The following NTRK2 variants were observed in gnomAD, a reference collection of about 807,000 sequenced individuals.
The protein encoded by NTRK2 is BDNF/NT-3 growth factors receptor.
NTRK2 carries 13 observed loss-of-function variants against 94.5 expected under a neutral mutation model. The ratio of observed to expected loss-of-function variants is 0.14; its 90% CI spans 0.09 to 0.22. The LOEUF is 0.22. NTRK2 is among the 10% of genes least tolerant of loss of function. NTRK2 has a pLI of 1.00. For synonymous variants in NTRK2, 372 were observed against 407.4 expected (o/e 0.91, Z 1.05); for missense variants, 639 against 1,071.2 (o/e 0.60, Z 5.63).
intron 12 of NTRK2, among the ~76,000 whole-genome samples, chr9:84,819,559 A>G (rs1165258373): frequency 6.6e-6 from 1 of 152,214 alleles, no homozygotes; most frequent in Admixed American, 6.5e-5. Flanking sequence ...GTTGAATTGA[A>G]TGCCACGTCT....
chr9:84,811,904 T>TC, intron 12 of NTRK2: 1 of 1,053,854 alleles, frequency 9.5e-7, no homozygotes, highest in Non-Finnish European at 1.1e-6. Context: ...GGTTTGGCTA[T>TC]CCCCACCCCA....
intron 12 of NTRK2, among the ~76,000 whole-genome samples, chr9:84,829,735 A>G (rs1263889162): frequency 6.6e-6 from 1 of 152,120 alleles, no homozygotes; most frequent in Non-Finnish European, 1.5e-5. Flanking sequence ...GCCTTCTGGG[A>G]TTGTTCAGGG....
At position 84,702,213 on chromosome 9, in the gene NTRK2, T is replaced by C; in HGVS notation, c.267T>C (p.Ala89=). Residue 89 remains alanine (A), a synonymous_variant, in exon 3 of 19, where the codon GCT becomes GCC. Transcript: ENST00000277120. ...TCATCAACGAAGATGATGTTGAAGC[T>C]TATGTGGGACTGAGAAATCTGTGAG... The part of the protein sequence containing the change: ...LEIINEDDVE[A]YVGLRNLTIV... 6.2e-7 allele frequency: 1 copy of C among 1,614,194 alleles called. No individual in the cohort carries two copies. The highest frequency in any genetic ancestry group is 1.1e-5 in the South Asian group (1 of 91,086).
intron 11 of NTRK2, among the ~76,000 whole-genome samples, 184 bp downstream of exon 11, chr9:84,745,257 C>T (rs1031833246): frequency 6.6e-6 from 1 of 152,138 alleles, no homozygotes; most frequent in Non-Finnish European, 1.5e-5. Flanking sequence ...TGGCCTTTGA[C>T]TTATTTGCTG....
At chr9:84,996,890 G>A (rs1829813788) in intron 17 of NTRK2, among the ~76,000 whole-genome samples, 1 of 152,204 alleles carries the variant, frequency 6.6e-6, no homozygotes, top group South Asian at 2.1e-4. Flanking sequence ...ATTTTCTAGT[G>A]CCTCCAATAA....
intron 14 of NTRK2, among the ~76,000 whole-genome samples, chr9:84,924,172 A>C (rs528050988): frequency 6.7e-6 from 1 of 150,174 alleles, no homozygotes; most frequent in East Asian, 2.0e-4. Context: ...TGATCATGCC[A>C]CTGCACTGCA....
At chr9:84,956,926 A>G (rs556613581) in intron 17 of NTRK2, among the ~76,000 whole-genome samples, 1 of 152,126 alleles carries the variant, frequency 6.6e-6, no homozygotes, top group African/African-American at 2.4e-5. Flanking sequence ...GACCACATGG[A>G]AAAAGATTCT....
intron 17 of NTRK2, among the ~76,000 whole-genome samples, chr9:85,013,316 T>C (rs1831841740): frequency 6.6e-6 from 1 of 152,184 alleles, no homozygotes; most frequent in Admixed American, 6.5e-5. Flanking sequence ...TGTTTCTTTT[T>C]TTCTGAGATG....
intron 12 of NTRK2, among the ~76,000 whole-genome samples, chr9:84,832,391 C>T (rs2073606606): frequency 6.6e-6 from 1 of 152,132 alleles, no homozygotes; most frequent in Admixed American, 6.5e-5. Flanking sequence ...TATTAAAGAA[C>T]CAAGTGCTAC....
chr9:84,678,630 T>A (rs2059205061), intron 2 of NTRK2, among the ~76,000 whole-genome samples: 1 of 152,008 alleles, frequency 6.6e-6, no homozygotes, highest in Non-Finnish European at 1.5e-5. Flanking sequence ...TGTGTAGGGG[T>A]GGAGGGTGCT....
intron 17 of NTRK2, among the ~76,000 whole-genome samples, chr9:84,998,750 T>A (rs1830036369): frequency 6.6e-6 from 1 of 152,214 alleles, no homozygotes; most frequent in Non-Finnish European, 1.5e-5. Flanking sequence ...AACATTATTA[T>A]GTCTTATAAT....
At chr9:85,011,267 A>G in intron 17 of NTRK2, among the ~76,000 whole-genome samples, 1 of 152,114 alleles carries the variant, frequency 6.6e-6, no homozygotes, top group East Asian at 1.9e-4. Flanking sequence ...ACAGATTTGG[A>G]TTCTGGACCA....
intron 17 of NTRK2, among the ~76,000 whole-genome samples, chr9:84,966,619 G>T (rs1344588773): frequency 6.6e-6 from 1 of 152,128 alleles, no homozygotes; most frequent in Non-Finnish European, 1.5e-5. Flanking sequence ...TTTTAGTAGA[G>T]ACGGGGTTTC....
chr9:84,789,396 C>T (rs1471367891), intron 12 of NTRK2, among the ~76,000 whole-genome samples: 1 of 152,162 alleles, frequency 6.6e-6, no homozygotes, highest in Non-Finnish European at 1.5e-5. Context: ...AGAGCCTTTG[C>T]CTTCAAGAGT....
intron 17 of NTRK2, among the ~76,000 whole-genome samples, chr9:84,965,942 A>G (rs1825506274): frequency 6.6e-6 from 1 of 152,194 alleles, no homozygotes; most frequent in Non-Finnish European, 1.5e-5. Context: ...TGTTACATCA[A>G]CGTAGCATAA....
intron 12 of NTRK2, among the ~76,000 whole-genome samples, chr9:84,850,769 C>A (rs972116761): frequency 1.4e-4 from 22 of 152,146 alleles, no homozygotes; most frequent in African/African-American, 5.1e-4. Flanking sequence ...TGTTCTGAGG[C>A]AGAAACGCCC....
intron 12 of NTRK2, among the ~76,000 whole-genome samples, chr9:84,850,394 G>C (rs1036107862): frequency 1.3e-5 from 2 of 152,156 alleles, no homozygotes; most frequent in African/African-American, 4.8e-5. Context: ...AGGAAAATTT[G>C]AGGCATCTTT....
intron 14 of NTRK2, among the ~76,000 whole-genome samples, chr9:84,906,704 T>G (rs1481614316): frequency 6.6e-6 from 1 of 152,160 alleles, no homozygotes; most frequent in Non-Finnish European, 1.5e-5. Flanking sequence ...TGGTAATGAT[T>G]CCAGTCCCAT....
chr9:84,812,194 A>G (rs1419309111), intron 12 of NTRK2: 5 of 1,057,568 alleles, frequency 4.7e-6, no homozygotes. Context: ...ATAAACCAGG[A>G]TCCATTTAGG....
Sources: gnomAD v4.1 joint callset for allele counts (sites outside exome capture counted in the v4.1 genomes callset) on GRCh38, gnomAD v4.1.1 for gene constraint, MANE v1.5 for transcripts, NCBI Gene and HGNC (gene_info 2026-07-23, HGNC 2026-07-21) for gene names.